ADO: variants seen among roughly 807,000 people sequenced by gnomAD.
The protein encoded by ADO is 2-aminoethanethiol dioxygenase.
In ADO, 9 loss-of-function variants were observed where a neutral mutation model predicts 16.6. The ratio of observed to expected loss-of-function variants is 0.54; its 90% CI spans 0.33 to 0.95. The LOEUF is 0.95. ADO is among the 40% of genes least tolerant of loss of function. ADO has a pLI of 0.03. For missense variants in ADO, 356 were observed against 386.4 expected (o/e 0.92, Z 0.66); for synonymous variants, 189 against 179.6 (o/e 1.05, Z -0.42).
At position 62,807,356 on chromosome 10, in the gene ADO, C is replaced by G. The variant is rs893953473; in HGVS notation, c.*1484C>G. ...AATTTGCCCAGCTGTCGTCTAAGCC[C>G]TCTTGATTGACTTGCCCAAGTGGCA... On this transcript the variant is annotated 3_prime_UTR_variant, in exon 1 of 1. Coordinates refer to ENST00000373783, the MANE Select transcript of ADO (RefSeq NM_032804.6). The G allele has an allele frequency of 1.0e-4, 17 of 167,056 alleles. No individual in the cohort carries two copies. Among genetic ancestry groups the G allele is most frequent in the Admixed American group, 9.8e-4 (15 of 15,288 alleles). The allele number at this position is 167,056 out of a possible 1,614,324, so 10.3% of individuals were successfully genotyped here. A position where few individuals can be genotyped will look rare whatever the true frequency, so the allele number is the denominator to read the frequency against.
In ADO at chr10:62,807,347, G is replaced by A. The variant is rs913288828; in HGVS notation, c.*1475G>A. 8 of 167,100 alleles carry A rather than the reference G, an allele frequency of 4.8e-5. No individual in the cohort carries two copies. The highest frequency in any genetic ancestry group is 1.2e-4 in the Non-Finnish European group (8 of 68,108). 10.4% of individuals were successfully genotyped at this position (167,100 alleles called of 1,614,324 possible). On this transcript the variant is annotated 3_prime_UTR_variant, in exon 1 of 1. Transcript: ENST00000373783. Reference sequence around the variant, plus strand: ...ACACATTAAAATTTGCCCAGCTGTCGTCTAAGCCCTCTTGATTGACTTGCC... The same window carrying A: ...ACACATTAAAATTTGCCCAGCTGTCATCTAAGCCCTCTTGATTGACTTGCC...
At position 62,807,740 on chromosome 10, in the gene ADO, A is replaced by T. The variant is rs918240365; in HGVS notation, c.*1868A>T. 6.0e-6 allele frequency: 1 copy of T among 167,238 alleles called. No individual in the cohort carries two copies. The highest frequency in any genetic ancestry group is 1.5e-5 in the Non-Finnish European group (1 of 68,122). The allele number at this position is 167,238 out of a possible 1,614,324, so 10.4% of individuals were successfully genotyped here. A position where few individuals can be genotyped will look rare whatever the true frequency, so the allele number is the denominator to read the frequency against. ...TGGGGGCAGTTTGAAGCAGTTCTTC[A>T]TGCCACTTAGTTTGAAAATAAAATT... On this transcript the variant is annotated 3_prime_UTR_variant, in exon 1 of 1. Transcript: ENST00000373783.
rs139832965 is a variant in ADO, at chr10:62,808,293, A to G, written c.*2421A>G. 122 of 167,402 alleles carry G rather than the reference A, an allele frequency of 7.3e-4. No homozygotes were observed. Among genetic ancestry groups the G allele is most frequent in the African/African-American group, 2.8e-3 (118 of 41,606 alleles). 10.4% of individuals were successfully genotyped at this position (167,402 alleles called of 1,614,324 possible). ...CAGAAACTATCTTGCACCTGTGTGC[A>G]TAAACTGTTAGTCGTGACTGACTTG... On this transcript the variant is annotated 3_prime_UTR_variant, in exon 1 of 1. Coordinates refer to ENST00000373783, the MANE Select transcript of ADO (RefSeq NM_032804.6).
At position 62,805,219 on chromosome 10, in the gene ADO, C is replaced by T; in HGVS notation, c.160C>T (p.Leu54=). The T allele has an allele frequency of 1.2e-6, 2 of 1,603,046 alleles. No homozygotes were observed. The highest frequency in any genetic ancestry group is 1.1e-5 in the South Asian group (1 of 90,170). ...GGGCTTCCCCGAGAACCTGAGCAAGCTGAAGAGCCTCCTGACCCAGCTCCG... is the reference window on the plus strand; with the variant it reads ...GGGCTTCCCCGAGAACCTGAGCAAGTTGAAGAGCCTCCTGACCCAGCTCCG... ...QPGFPENLSK[L]KSLLTQLRAE... is the part of the protein sequence containing the mutation. The change falls in exon 1 of 1, where the codon CTG becomes TTG. Residue 54 remains leucine (L), a synonymous_variant. Coordinates refer to ENST00000373783, the MANE Select transcript of ADO (RefSeq NM_032804.6). This position sits in a 1 kb window ranked among gnomAD's most constrained non-coding sequence, Gnocchi z 6.4.
In ADO at chr10:62,805,966, T is replaced by C. The variant is rs958722618; in HGVS notation, c.*94T>C. 8.4e-6 allele frequency: 10 copies of C among 1,187,242 alleles called. No homozygotes were observed. The highest frequency in any genetic ancestry group is 1.1e-5 in the Non-Finnish European group (10 of 911,598). The allele number at this position is 1,187,242 out of a possible 1,614,324, so 73.5% of individuals were successfully genotyped here. A position where few individuals can be genotyped will look rare whatever the true frequency, so the allele number is the denominator to read the frequency against. ...CCCCTAGCCTGGGCGTTGGATCTAC[T>C]GGAATGAGCAGCAGCCGCTTCCTCG... On this transcript the variant is annotated 3_prime_UTR_variant, in exon 1 of 1. Coordinates refer to ENST00000373783, the MANE Select transcript of ADO (RefSeq NM_032804.6). This position sits in a 1 kb window ranked among gnomAD's most constrained non-coding sequence, Gnocchi z 6.4.
chr10:62,804,753 A>C lies in ADO; in HGVS notation c.-307A>C, dbSNP rs538530679. ...GGCCACCGTCGTAGGTGCGGGCCGC[A>C]TGAATGGAGCGCCGGGCGTAAGGCA... On this transcript the variant is annotated 5_prime_UTR_variant, in exon 1 of 1. An upstream start codon of the reference 5' UTR is lost. Coordinates refer to ENST00000373783, the MANE Select transcript of ADO (RefSeq NM_032804.6). The C allele has an allele frequency of 6.4e-4, 134 of 209,178 alleles. No homozygotes were observed. Among genetic ancestry groups the C allele is most frequent in the African/African-American group, 2.2e-3 (96 of 43,252 alleles). The allele number at this position is 209,178 out of a possible 1,614,324, so 13.0% of individuals were successfully genotyped here.
rs981539664 is a variant in ADO at position 62,808,426 on chromosome 10, G to A, written c.*2554G>A. ...CCTTGGAAAGACTAATGAGCACAAT[G>A]ATATTAATCACTTTTATGGTGAATA... On this transcript the variant is annotated 3_prime_UTR_variant, in exon 1 of 1. Coordinates refer to ENST00000373783, the MANE Select transcript of ADO (RefSeq NM_032804.6). The A allele has an allele frequency of 6.0e-6, 1 of 167,244 alleles. No individual in the cohort carries two copies. The highest frequency in any genetic ancestry group is 1.5e-5 in the Non-Finnish European group (1 of 68,124). 10.4% of individuals were successfully genotyped at this position (167,244 alleles called of 1,614,324 possible).
In ADO at chr10:62,805,400, A is replaced by G; in HGVS notation, c.341A>G (p.His114Arg). 6.3e-7 allele frequency: 1 copy of G among 1,587,780 alleles called. No homozygotes were observed. The highest frequency in any genetic ancestry group is 1.1e-5 in the South Asian group (1 of 88,662). ...GGCACGTCCATCCCGCTGCACGACC[A>G]CCCGGGCATGCACGGCATGCTCAAG... ...KSGTSIPLHD[H>R]PGMHGMLKVL... is the part of the protein sequence containing the mutation. Residue 114 changes from histidine to arginine, a missense_variant, in exon 1 of 1, where the codon CAC (histidine) becomes CGC (arginine). Coordinates refer to ENST00000373783, the MANE Select transcript of ADO (RefSeq NM_032804.6). This position sits in a 1 kb window ranked among gnomAD's most constrained non-coding sequence, Gnocchi z 6.4.
rs1238045480 is a variant in ADO, at chr10:62,805,705, G to A, written c.646G>A (p.Asp216Asn). The A allele has an allele frequency of 1.2e-6, 2 of 1,610,922 alleles. No individual in the cohort carries two copies. Among genetic ancestry groups the A allele is most frequent in the Admixed American group, 3.3e-5 (2 of 59,826 alleles). The change falls in exon 1 of 1, where the codon GAT (aspartate) becomes AAT (asparagine). Residue 216 changes from aspartate to asparagine, a missense_variant. Physicochemically the swap from Asp to Asn is conservative, Grantham distance 23. Coordinates refer to ENST00000373783, the MANE Select transcript of ADO (RefSeq NM_032804.6). This position sits in a 1 kb window ranked among gnomAD's most constrained non-coding sequence, Gnocchi z 6.4. ...DILAPPYDPD[D>N]GRDCHYYRVL... ...CCTGGCCCCGCCCTACGACCCGGAC[G>A]ATGGCCGGGACTGCCACTATTACCG...
At position 62,806,910 on chromosome 10, in the gene ADO, A is replaced by G. The variant is rs1028489653; in HGVS notation, c.*1038A>G. On this transcript the variant is annotated 3_prime_UTR_variant, in exon 1 of 1. Coordinates refer to ENST00000373783, the MANE Select transcript of ADO (RefSeq NM_032804.6). Reference sequence around the variant, plus strand: ...TGTTTCATATTCTCTCAGGAACTTTAATGTTCCCGACTCGGGTGATTCCAG... The same window carrying G: ...TGTTTCATATTCTCTCAGGAACTTTGATGTTCCCGACTCGGGTGATTCCAG... 2 of 167,250 alleles carry G rather than the reference A, an allele frequency of 1.2e-5. No homozygotes were observed. Among genetic ancestry groups the G allele is most frequent in the Non-Finnish European group, 2.9e-5 (2 of 68,128 alleles). 10.4% of individuals were successfully genotyped at this position (167,250 alleles called of 1,614,324 possible). A position where few individuals can be genotyped will look rare whatever the true frequency, so the allele number is the denominator to read the frequency against.
At position 62,805,495 on chromosome 10, in the gene ADO, G is replaced by A. The variant is rs1375652523; in HGVS notation, c.436G>A (p.Ala146Thr). 1 of 1,537,960 alleles carries A rather than the reference G, an allele frequency of 6.5e-7. No homozygotes were observed. Among genetic ancestry groups the A allele is most frequent in the Non-Finnish European group, 8.7e-7 (1 of 1,145,030 alleles). The stretch of plus-strand genomic sequence containing the variant: ...CGCGGGCGGCGGGCAACGGCCGCGG[G>A]CCTTGCCGCCCGAGCAGCAGTTCGA... ...LDAGGGQRPR[A>T]LPPEQQFEPP... is the part of the protein sequence containing the mutation. Residue 146 changes from alanine (A) to threonine (T), a missense_variant, in exon 1 of 1, where the codon GCC becomes ACC. Coordinates refer to ENST00000373783, the MANE Select transcript of ADO (RefSeq NM_032804.6). The surrounding 1 kb of genome is among the most constrained non-coding windows in gnomAD (Gnocchi z 6.4).
chr10:62,805,055 C>T lies in ADO; in HGVS notation c.-5C>T, dbSNP rs199553864. ...CGGTCCCGGCACGCAGAGGAGCAGC[C>T]GACCATGCCCCGAGACAACATGGCC... On this transcript the variant is annotated 5_prime_UTR_variant, in exon 1 of 1. Transcript: ENST00000373783. This position sits in a 1 kb window ranked among gnomAD's most constrained non-coding sequence, Gnocchi z 6.4. 52 of 1,469,280 alleles carry T rather than the reference C, an allele frequency of 3.5e-5. No individual in the cohort carries two copies. The East Asian group carries it at 8.3e-4, about 23-fold the overall frequency. 91.0% of individuals were successfully genotyped at this position (1,469,280 alleles called of 1,614,324 possible).
Position 62,806,716 on chromosome 10 carries a change from G to T in ADO, c.*844G>T, listed in dbSNP as rs1238865349. 1 of 167,096 alleles carries T rather than the reference G, an allele frequency of 6.0e-6. No homozygotes were observed. The highest frequency in any genetic ancestry group is 1.9e-4 in the East Asian group (1 of 5,346). 10.4% of individuals were successfully genotyped at this position (167,096 alleles called of 1,614,324 possible). ...TTTCTTGTCTTACTGTACCTTAAAA[G>T]GTGATAGAGTAATTCTGTATTTTCT... is the stretch of plus-strand genomic sequence containing the variant. On this transcript the variant is annotated 3_prime_UTR_variant, in exon 1 of 1. Transcript: ENST00000373783.
rs1208206040 is a variant in ADO at position 62,806,909 on chromosome 10, T to G, written c.*1037T>G. The G allele has an allele frequency of 1.2e-5, 2 of 167,386 alleles. No individual in the cohort carries two copies. Among genetic ancestry groups the G allele is most frequent in the South Asian group, 4.1e-4 (2 of 4,828 alleles). The allele number at this position is 167,386 out of a possible 1,614,324, so 10.4% of individuals were successfully genotyped here. A position where few individuals can be genotyped will look rare whatever the true frequency, so the allele number is the denominator to read the frequency against. On this transcript the variant is annotated 3_prime_UTR_variant, in exon 1 of 1. Coordinates refer to ENST00000373783, the MANE Select transcript of ADO (RefSeq NM_032804.6). ...TTGTTTCATATTCTCTCAGGAACTT[T>G]AATGTTCCCGACTCGGGTGATTCCA...
Position 62,805,065 on chromosome 10 carries a change from C to A in ADO, c.6C>A (p.Pro2=). Residue 2 remains proline (P), a synonymous_variant, in exon 1 of 1, where the codon CCC becomes CCA. Coordinates refer to ENST00000373783, the MANE Select transcript of ADO (RefSeq NM_032804.6). This position sits in a 1 kb window ranked among gnomAD's most constrained non-coding sequence, Gnocchi z 6.4. ...ACGCAGAGGAGCAGCCGACCATGCC[C>A]CGAGACAACATGGCCTCCTTGATCC... M[P]RDNMASLIQR... The A allele has an allele frequency of 6.7e-7, 1 of 1,494,190 alleles. No homozygotes were observed. The highest frequency in any genetic ancestry group is 2.4e-5 in the East Asian group (1 of 42,038). The allele number at this position is 1,494,190 out of a possible 1,614,324, so 92.6% of individuals were successfully genotyped here. A position where few individuals can be genotyped will look rare whatever the true frequency, so the allele number is the denominator to read the frequency against.
chr10:62,805,374 C>T lies in ADO; in HGVS notation c.315C>T (p.Ser105=), dbSNP rs1169694834. The change falls in exon 1 of 1, where the codon AGC becomes AGT. Residue 105 remains serine (S), a synonymous_variant. Coordinates refer to ENST00000373783, the MANE Select transcript of ADO (RefSeq NM_032804.6). The surrounding 1 kb of genome is among the most constrained non-coding windows in gnomAD (Gnocchi z 6.4). ...GCCTGGGCGTGTTCCTGCTCAAGAG[C>T]GGCACGTCCATCCCGCTGCACGACC... ...GFSLGVFLLK[S]GTSIPLHDHP... 4.4e-6 allele frequency: 7 copies of T among 1,598,672 alleles called. No individual in the cohort carries two copies. The highest frequency in any genetic ancestry group is 3.4e-5 in the Admixed American group (2 of 58,996).
rs1842050263 is a variant in ADO at position 62,806,042 on chromosome 10, T to TGGGGGGGGGGGGGGGGGGG, written c.*175_*176insGGGGGGGGGGGGGGGGGGG. On this transcript the variant is annotated 3_prime_UTR_variant, in exon 1 of 1. Transcript: ENST00000373783. The stretch of plus-strand genomic sequence containing the variant: ...GGACAGCAGCCGCCGGGCACGGTTA[T>TGGGGGGGGGGGGGGGGGGG]GGGGGCGGGGTGGGCGGGGAGGCTA... 3.7e-5 allele frequency: 1 copy of TGGGGGGGGGGGGGGGGGGG among 27,254 alleles called. No individual in the cohort carries two copies. The highest frequency in any genetic ancestry group is 1.5e-3 in the Admixed American group (1 of 660). 1.7% of individuals were successfully genotyped at this position (27,254 alleles called of 1,614,324 possible).
At position 62,805,604 on chromosome 10, in the gene ADO, C is replaced by T; in HGVS notation, c.545C>T (p.Pro182Leu). ...SRAEYTEASG[P>L]CILTPHRDNL... ...GCCGAGTACACCGAGGCCAGCGGCC[C>T]CTGCATCCTCACACCGCACCGGGAC... Residue 182 changes from proline to leucine, a missense_variant, in exon 1 of 1, where the codon CCC (proline) becomes CTC (leucine). Coordinates refer to ENST00000373783, the MANE Select transcript of ADO (RefSeq NM_032804.6). This position sits in a 1 kb window ranked among gnomAD's most constrained non-coding sequence, Gnocchi z 6.4. 6.3e-7 allele frequency: 1 copy of T among 1,597,344 alleles called. No individual in the cohort carries two copies. Among genetic ancestry groups the T allele is most frequent in the Non-Finnish European group, 8.5e-7 (1 of 1,173,206 alleles).
rs1842061168 is a variant in ADO, at chr10:62,807,067, A to G, written c.*1195A>G. On this transcript the variant is annotated 3_prime_UTR_variant, in exon 1 of 1. Coordinates refer to ENST00000373783, the MANE Select transcript of ADO (RefSeq NM_032804.6). ...AGCTAGAGAATTGAGAATTAACTAT[A>G]CTACTAGCCATTTTAGGGCACCAAA... 2.4e-5 allele frequency: 4 copies of G among 167,240 alleles called. No homozygotes were observed. The highest frequency in any genetic ancestry group is 1.3e-4 in the Admixed American group (2 of 15,288). 10.4% of individuals were successfully genotyped at this position (167,240 alleles called of 1,614,324 possible). A position where few individuals can be genotyped will look rare whatever the true frequency, so the allele number is the denominator to read the frequency against.
Sources: allele counts gnomAD v4.1 joint callset, GRCh38; gene constraint gnomAD v4.1.1; non-coding constraint Gnocchi (gnomAD v3.1); transcripts MANE v1.5; gene names NCBI Gene and HGNC (gene_info 2026-07-23, HGNC 2026-07-21).